Variants in MAPK10 observed in about 807,000 individuals in gnomAD.
MAPK10 encodes mitogen-activated protein kinase 10, also known as JNK3 alpha protein kinase.
MAPK10 carries 25 observed loss-of-function variants against 59.3 expected under a neutral mutation model. That is an observed-to-expected ratio of 0.42 (90% CI 0.31 to 0.59). The LOEUF is 0.59. Ranked by LOEUF, MAPK10 falls within the 20% of genes least tolerant of loss-of-function variation. The pLI, the probability that MAPK10 is intolerant of heterozygous loss-of-function variation, is 0.15. For missense variants in MAPK10, 351 were observed against 568.9 expected (o/e 0.62, Z 3.90); for synonymous variants, 190 against 200.5 (o/e 0.95, Z 0.44).
intron 1 of MAPK10, among the ~76,000 whole-genome samples, chr4:86,585,404 C>T (rs1206931223): frequency 6.6e-6 from 1 of 152,096 alleles, no homozygotes; most frequent in East Asian, 1.9e-4. Flanking sequence ...GCTATATGTT[C>T]CCTTTAACAA....
At chr4:86,103,353 G>T in intron 5 of MAPK10, 109 bp from the exon 6 acceptor site, 1 of 636,690 alleles carries the variant, frequency 1.6e-6, no homozygotes, top group Non-Finnish European at 2.8e-6. Flanking sequence ...TGCTATGGCA[G>T]AAATGGAGAA....
intron 2 of MAPK10, among the ~76,000 whole-genome samples, chr4:86,216,746 A>G (rs10003756): frequency 6.6e-6 from 1 of 151,964 alleles, no homozygotes; most frequent in Non-Finnish European, 1.5e-5. Flanking sequence ...CATGTTCATA[A>G]TATATTGTAA....
In MAPK10 at chr4:86,318,880, T is replaced by G. The variant is rs186593775; in HGVS notation, c.-7+35650A>C. On this transcript the variant is annotated intron_variant, in intron 2 of 13. Transcript: ENST00000641462. ...TGGGACCTGAACAGGTTGCATAATC[T>G]CTCTCCATAGCACTTCTTCACTTGA... Among the ~76,000 whole-genome samples the G allele has an allele frequency of 1.5e-4, 22 of 151,580 alleles. No homozygotes were observed. In the East Asian group the frequency reaches 4.3e-3, roughly 29 times the overall value.
At chr4:86,184,964 A>G (rs1215769422) in intron 3 of MAPK10, among the ~76,000 whole-genome samples, 1 of 152,158 alleles carries the variant, frequency 6.6e-6, no homozygotes, top group East Asian at 1.9e-4. Flanking sequence ...GACGATTCCA[A>G]TGGTGTGCTG....
At chr4:86,496,054 G>A (rs1224215356) in intron 1 of MAPK10, among the ~76,000 whole-genome samples, 1 of 151,950 alleles carries the variant, frequency 6.6e-6, no homozygotes, top group Non-Finnish European at 1.5e-5. Context: ...CATTTTTGTG[G>A]AAAACAACAT....
intron 13 of MAPK10, chr4:86,020,748 G>A (rs569261113): frequency 1.5e-4 from 23 of 153,858 alleles, no homozygotes; most frequent in Non-Finnish European, 2.2e-4. Flanking sequence ...GGAGCTTTTC[G>A]TTCCTCCCAG....
At chr4:86,099,941 C>T (rs766520931) in intron 8 of MAPK10, 19 of 152,246 alleles carry the variant, frequency 1.2e-4, no homozygotes, top group Middle Eastern at 3.4e-3. Flanking sequence ...CAGGGTGAAC[C>T]TGACCTTTGT....
At chr4:86,295,463 C>T (rs778330443) in intron 2 of MAPK10, among the ~76,000 whole-genome samples, 5 of 152,000 alleles carry the variant, frequency 3.3e-5, no homozygotes, top group Admixed American at 1.3e-4. Context: ...TTTTTGTCAG[C>T]GTCCCTTCCC....
intron 9 of MAPK10, among the ~76,000 whole-genome samples, chr4:86,086,705 C>A (rs2051947857): frequency 6.6e-6 from 1 of 152,022 alleles, no homozygotes; most frequent in South Asian, 2.1e-4. Flanking sequence ...TATGGCATAT[C>A]TCCAGCTCTA....
In MAPK10 at chr4:86,516,491, A is replaced by G. The variant is rs140353277; in HGVS notation, c.-263+77419T>C. Among the ~76,000 whole-genome samples the G allele has an allele frequency of 7.4e-4, 112 of 152,286 alleles. 1 individual carries two copies. The East Asian group carries it at 0.021, about 29-fold the overall frequency. ...TTTTGGCAGTATGGTCATTTTCACAATATTGATTCTACCCGTCAGTGAGCA... is the reference window on the plus strand; with the variant it reads ...TTTTGGCAGTATGGTCATTTTCACAGTATTGATTCTACCCGTCAGTGAGCA... On this transcript the variant is annotated intron_variant, in intron 1 of 4. Transcript: ENST00000502302.
chr4:86,489,559 T>G (rs1345753793), intron 1 of MAPK10, among the ~76,000 whole-genome samples: 1 of 152,130 alleles, frequency 6.6e-6, no homozygotes, highest in Non-Finnish European at 1.5e-5. Context: ...CCTCCTCACC[T>G]CCTTATTCTT....
chr4:86,395,061 A>G (rs1364496451), intron 1 of MAPK10, among the ~76,000 whole-genome samples: 1 of 27,438 alleles, frequency 3.6e-5, no homozygotes, highest in Admixed American at 5.4e-4. Flanking sequence ...CATTCACAGT[A>G]TTGAGTCAAT....
At chr4:86,454,705 T>C (rs1299672088), upstream of MAPK10, among the ~76,000 whole-genome samples, 5 of 152,226 alleles carry the variant, frequency 3.3e-5, no homozygotes, top group East Asian at 9.7e-4. Flanking sequence ...GCAACTATAT[T>C]TGGGGGATTA....
At chr4:86,206,525 T>C (rs1410038598) in intron 2 of MAPK10, among the ~76,000 whole-genome samples, 2 of 152,140 alleles carry the variant, frequency 1.3e-5, no homozygotes, top group African/African-American at 2.4e-5. Context: ...TGTGTCTTTA[T>C]AGCAGCATGA....
At chr4:86,256,879 T>C (rs2093755332) in intron 2 of MAPK10, among the ~76,000 whole-genome samples, 2 of 150,988 alleles carry the variant, frequency 1.3e-5, no homozygotes, top group African/African-American at 4.9e-5. Flanking sequence ...TAGCTGGGAC[T>C]ACAGGCGCCC....
chr4:86,146,162 A>G (rs1249355975), intron 4 of MAPK10, among the ~76,000 whole-genome samples: 2 of 152,240 alleles, frequency 1.3e-5, no homozygotes, highest in African/African-American at 2.4e-5. Flanking sequence ...CTGAGAGTGA[A>G]TAACAGATGT....
chr4:86,275,518 T>C (rs1583894526), intron 2 of MAPK10, among the ~76,000 whole-genome samples: 1 of 152,000 alleles, frequency 6.6e-6, no homozygotes, highest in Non-Finnish European at 1.5e-5. Context: ...AGAGAAAATT[T>C]CACCAGCCTA....
intron 11 of MAPK10, among the ~76,000 whole-genome samples, chr4:86,052,738 A>T (rs2043817136): frequency 6.6e-6 from 1 of 152,124 alleles, no homozygotes; most frequent in South Asian, 2.1e-4. Flanking sequence ...TCTGTCACCT[A>T]GGCTGGAGTG....
chr4:86,232,657 G>A (rs2091740759), intron 2 of MAPK10, among the ~76,000 whole-genome samples: 1 of 149,264 alleles, frequency 6.7e-6, no homozygotes, highest in South Asian at 2.1e-4. Context: ...ACAGGCGTGA[G>A]CCACCACGCC....
Sources: allele counts gnomAD v4.1 joint callset (sites outside exome capture counted in the v4.1 genomes callset), GRCh38; gene constraint gnomAD v4.1.1; transcripts MANE v1.5; gene names NCBI Gene and HGNC (gene_info 2026-07-23, HGNC 2026-07-21).